STAG1: variants seen among roughly 807,000 people sequenced by gnomAD.
STAG1 encodes cohesin subunit SA-1.
In STAG1, 26 loss-of-function variants were observed where a neutral mutation model predicts 170.9. That is an observed-to-expected ratio of 0.15 (90% confidence interval 0.11 to 0.21). STAG1 has a LOEUF of 0.21. STAG1 is among the 10% of genes least tolerant of loss of function. The pLI is 1.00. For missense variants in STAG1, 964 were observed against 1,509.5 expected (o/e 0.64, Z 5.99); for synonymous variants, 514 against 497.7 (o/e 1.03, Z -0.44).
intron 14 of STAG1, among the ~76,000 whole-genome samples, chr3:136,446,810 A>T (rs996120482): frequency 1.5e-4 from 22 of 142,864 alleles, no homozygotes; most frequent in African/African-American, 5.4e-4. Flanking sequence ...TCTCTTTCAT[A>T]TTTTTTTTTT....
At chr3:136,506,690 C>G (rs1002044968) in intron 7 of STAG1, among the ~76,000 whole-genome samples, 1 of 149,962 alleles carries the variant, frequency 6.7e-6, no homozygotes, top group African/African-American at 2.4e-5. Context: ...GAATATACTG[C>G]TGAAAGAATT....
chr3:136,623,042 T>C (rs1939936904), intron 3 of STAG1, 104 bp downstream of exon 3: 1 of 936,142 alleles, frequency 1.1e-6, no homozygotes, highest in Non-Finnish European at 1.6e-6. Flanking sequence ...TGTCACTGAA[T>C]TTTTTTTAAG....
At chr3:136,645,123 C>G (rs114242526) in intron 1 of STAG1, among the ~76,000 whole-genome samples, 2,307 of 152,286 alleles carry the variant, frequency 0.015, 32 homozygotes, top group Non-Finnish European at 0.02. Flanking sequence ...ATGTAGTTAT[C>G]TGGGACAATT....
chr3:136,439,421 CACACACACACACACACACACAA>C (rs1156413239), intron 15 of STAG1, among the ~76,000 whole-genome samples: 8 of 142,870 alleles, frequency 5.6e-5, no homozygotes, highest in Admixed American at 1.4e-4. Context: ...CACACACACA[CACACACACACACACACACACAA>C]ACACTGTAAG....
chr3:136,572,186 G>C (rs894437353), intron 4 of STAG1, among the ~76,000 whole-genome samples: 3 of 152,160 alleles, frequency 2.0e-5, no homozygotes, highest in African/African-American at 7.2e-5. Context: ...CTGCACTCCA[G>C]CCTAGGAAAC....
Position 136,679,661 on chromosome 3 carries a change from G to A in STAG1, c.-83-48680C>T, listed in dbSNP as rs368548968. Among the ~76,000 whole-genome samples, 8 of 151,602 alleles carry A rather than the reference G, an allele frequency of 5.3e-5. No homozygotes were observed. The East Asian group carries it at 5.8e-4, about 11-fold the overall frequency. ...GGAGAATGGCATGAACCCACAAGGC[G>A]GAGCTTGCAGTGAGCCGAGATAGTG... On this transcript the variant is annotated intron_variant, in intron 1 of 33. Transcript: ENST00000383202.
chr3:136,740,918 G>T (rs953364236), intron 1 of STAG1, among the ~76,000 whole-genome samples: 1 of 152,192 alleles, frequency 6.6e-6, no homozygotes, highest in African/African-American at 2.4e-5. Flanking sequence ...AAGCTAGGTT[G>T]TAGCCATGTA....
At chr3:136,616,268 CA>C (rs367863678) in intron 3 of STAG1, among the ~76,000 whole-genome samples, 49,579 of 121,884 alleles carry the variant, frequency 0.41, 8,916 homozygotes, top group African/African-American at 0.52. Flanking sequence ...GACTCCGTCT[CA>C]AAAAAAAAAA....
intron 6 of STAG1, among the ~76,000 whole-genome samples, chr3:136,531,471 T>C (rs1277179845): frequency 6.7e-6 from 1 of 149,594 alleles, no homozygotes; most frequent in Admixed American, 6.7e-5. Flanking sequence ...GTCTGTTTAT[T>C]GCGGCATTAT....
chr3:136,671,548 G>A (rs139169155), intron 1 of STAG1, among the ~76,000 whole-genome samples: 1 of 152,224 alleles, frequency 6.6e-6, no homozygotes, highest in Admixed American at 6.5e-5. Flanking sequence ...AAAAGAAAAG[G>A]TTCTAAAAAC....
chr3:136,435,014 T>C (rs570038594), intron 15 of STAG1, among the ~76,000 whole-genome samples: 1 of 152,356 alleles, frequency 6.6e-6, no homozygotes, highest in African/African-American at 2.4e-5. Context: ...ATTTTTGGAT[T>C]CTTTAGTTTC....
chr3:136,623,551 T>C (rs1939959199), intron 2 of STAG1, among the ~76,000 whole-genome samples: 1 of 152,108 alleles, frequency 6.6e-6, no homozygotes, highest in African/African-American at 2.4e-5. Context: ...AGTACAAAAA[T>C]ATGAAGGCTT....
chr3:136,403,097 A>G (rs2108348486), intron 21 of STAG1, among the ~76,000 whole-genome samples: 1 of 152,058 alleles, frequency 6.6e-6, no homozygotes, highest in East Asian at 1.9e-4. Flanking sequence ...GCATGGTGGC[A>G]CATGCCTGTA....
intron 1 of STAG1, among the ~76,000 whole-genome samples, chr3:136,705,378 AACACAC>A (rs3066789): frequency 0.15 from 20,880 of 143,066 alleles, 1,683 homozygotes; most frequent in African/African-American, 0.22. Flanking sequence ...ATGATCATCA[AACACAC>A]ACACACACAC....
chr3:136,524,022 G>A (rs563536156), intron 6 of STAG1, among the ~76,000 whole-genome samples: 3 of 152,168 alleles, frequency 2.0e-5, no homozygotes, highest in Admixed American at 6.6e-5. Flanking sequence ...TTGAAGTCAG[G>A]TAGCATGATG....
chr3:136,552,367 T>C (rs1036862422), intron 5 of STAG1, among the ~76,000 whole-genome samples: 1 of 152,210 alleles, frequency 6.6e-6, no homozygotes, highest in Non-Finnish European at 1.5e-5. Context: ...TTTACATTTA[T>C]ATATACAAGT....
chr3:136,489,760 T>C (rs538161388), intron 9 of STAG1, among the ~76,000 whole-genome samples: 1 of 152,334 alleles, frequency 6.6e-6, no homozygotes, highest in African/African-American at 2.4e-5. Context: ...ACTGTATCCT[T>C]TATTAGACTA....
At chr3:136,682,000 C>G (rs1942352324) in intron 1 of STAG1, among the ~76,000 whole-genome samples, 1 of 152,078 alleles carries the variant, frequency 6.6e-6, no homozygotes, top group Non-Finnish European at 1.5e-5. Context: ...TTCTATTCAA[C>G]ATGGTGCTGG....
intron 4 of STAG1, among the ~76,000 whole-genome samples, chr3:136,603,790 G>A (rs1283720359): frequency 6.6e-6 from 1 of 152,108 alleles, no homozygotes; most frequent in Non-Finnish European, 1.5e-5. Flanking sequence ...GGGAGGCTGA[G>A]GCAGGGGAAT....
Sources: gnomAD v4.1 joint callset for allele counts (sites outside exome capture counted in the v4.1 genomes callset) on GRCh38, gnomAD v4.1.1 for gene constraint, MANE v1.5 for transcripts, NCBI Gene and HGNC (gene_info 2026-07-23, HGNC 2026-07-21) for gene names.